SULF2: variants seen among roughly 807,000 people sequenced by gnomAD.
SULF2 encodes extracellular sulfatase Sulf-2.
Under a neutral mutation model 107.7 loss-of-function variants are expected in SULF2, and 52 were observed. The ratio of observed to expected loss-of-function variants is 0.48; its 90% CI spans 0.39 to 0.61. The LOEUF (loss-of-function observed/expected upper bound fraction) is 0.61. Ranked by LOEUF, SULF2 falls within the 20% of genes least tolerant of loss-of-function variation. The probability of loss-of-function intolerance (pLI) is 0.00; values close to 1 mark genes in which losing one functional copy is unlikely to be tolerated. For synonymous variants in SULF2, 460 were observed against 464.3 expected (o/e 0.99, Z 0.12); for missense variants, 993 against 1,177.3 (o/e 0.84, Z 2.29).
intron 20 of SULF2, among the ~76,000 whole-genome samples, chr20:47,658,678 G>C (rs1474247607): frequency 1.3e-5 from 2 of 152,172 alleles, no homozygotes; most frequent in African/African-American, 4.8e-5. Flanking sequence ...CCGAAGAAAG[G>C]CTTAGGTGAC....
intron 2 of SULF2, among the ~76,000 whole-genome samples, chr20:47,756,826 A>G (rs1051328722): frequency 5.3e-5 from 8 of 152,152 alleles, no homozygotes; most frequent in African/African-American, 1.9e-4. Context: ...CTGTAGTTTT[A>G]GTAAAGACGG....
intron 3 of SULF2, among the ~76,000 whole-genome samples, chr20:47,714,330 T>A (rs940949454): frequency 6.6e-6 from 1 of 152,214 alleles, no homozygotes; most frequent in African/African-American, 2.4e-5. Context: ...ACCGGCCTCT[T>A]GATTTTCGCC....
chr20:47,768,408 G>C (rs1029270616), intron 1 of SULF2, among the ~76,000 whole-genome samples: 8 of 152,250 alleles, frequency 5.3e-5, no homozygotes, highest in Non-Finnish European at 1.2e-4. Context: ...AAGATCAGAA[G>C]TGAAATTCCC....
chr20:47,700,432 CTGAG>C (rs1439991414), intron 4 of SULF2, among the ~76,000 whole-genome samples: 1 of 152,160 alleles, frequency 6.6e-6, no homozygotes, highest in Non-Finnish European at 1.5e-5. Context: ...CTACTACATA[CTGAG>C]TATTTACTAC....
chr20:47,658,489 G>C (rs747128961), intron 20 of SULF2, 97 bp from the exon 21 acceptor site: 36 of 1,291,590 alleles, frequency 2.8e-5, no homozygotes, highest in Non-Finnish European at 4.1e-5. Context: ...TTGCTTCAAG[G>C]CTGCTGAGAA....
chr20:47,666,531 G>A lies in SULF2; in HGVS notation c.1577-43C>T. 1.3e-6 allele frequency: 2 copies of A among 1,518,464 alleles called. No homozygotes were observed. Among genetic ancestry groups the A allele is most frequent in the Non-Finnish European group, 1.8e-6 (2 of 1,106,944 alleles). 94.1% of individuals were successfully genotyped at this position (1,518,464 alleles called of 1,614,324 possible). On this transcript the variant is annotated intron_variant, in intron 11 of 20. Transcript: ENST00000688720. This position sits in a 1 kb window ranked among gnomAD's most constrained non-coding sequence, Gnocchi z 5.4. ...GTGGCAGAGTTAGGGAGGCAGGAAA[G>A]GCTGGCCAGGCTCCCAGGGCAGTGG...
chr20:47,728,004 G>A (rs2089490777), intron 3 of SULF2, among the ~76,000 whole-genome samples: 1 of 152,226 alleles, frequency 6.6e-6, no homozygotes, highest in Non-Finnish European at 1.5e-5. Flanking sequence ...GGTCCCAGGA[G>A]GGGCTGTGCA....
At chr20:47,661,647 C>G in intron 18 of SULF2, 126 bp downstream of exon 18, 8 of 1,053,176 alleles carry the variant, frequency 7.6e-6, no homozygotes, top group Non-Finnish European at 1.0e-5. Flanking sequence ...CATGACTCGT[C>G]TGGAACTGTA....
At chr20:47,766,991 A>T (rs905518978) in intron 1 of SULF2, among the ~76,000 whole-genome samples, 1 of 151,896 alleles carries the variant, frequency 6.6e-6, no homozygotes, top group Admixed American at 6.6e-5. Context: ...ATTCTCAGAG[A>T]GCTGACAAAC....
At chr20:47,730,695 T>C (rs2089574161) in intron 3 of SULF2, among the ~76,000 whole-genome samples, 1 of 152,172 alleles carries the variant, frequency 6.6e-6, no homozygotes, top group African/African-American at 2.4e-5. Flanking sequence ...TGATCCACCC[T>C]CCTCGGCTTC....
rs199922784 is a variant in SULF2 at position 47,663,232 on chromosome 20, A to G, written c.2228-20T>C. On this transcript the variant is annotated intron_variant, in intron 16 of 20. Coordinates refer to ENST00000688720, the MANE Select transcript of SULF2 (RefSeq NM_001387048.1). ...GCCCCACTGCCAAGGAAGAGAGAGC[A>G]TGTCCTGAGTGCCTGCGGGAGGAGG... The G allele has an allele frequency of 2.7e-4, 430 of 1,613,616 alleles. 8 individuals are homozygous for G. The South Asian group carries it at 3.3e-3, about 12-fold the overall frequency.
At chr20:47,676,441 G>T (rs1319678337) in intron 10 of SULF2, 53 bp downstream of exon 10, 27 of 1,584,918 alleles carry the variant, frequency 1.7e-5, no homozygotes, top group Non-Finnish European at 2.0e-5. Context: ...CGCAGGTCAG[G>T]GCCGGCTGCA....
intron 3 of SULF2, among the ~76,000 whole-genome samples, chr20:47,721,402 C>T (rs2089294142): frequency 6.6e-6 from 1 of 151,156 alleles, no homozygotes; most frequent in African/African-American, 2.4e-5. Flanking sequence ...CAGAATTTCA[C>T]TCGTTACCCA....
At chr20:47,755,902 G>A (rs922364705) in intron 2 of SULF2, among the ~76,000 whole-genome samples, 2 of 145,586 alleles carry the variant, frequency 1.4e-5, no homozygotes, top group East Asian at 1.9e-4. Context: ...CCTCCACTCC[G>A]GCTCCCTGGC....
At chr20:47,700,721 C>G (rs560217407) in intron 4 of SULF2, among the ~76,000 whole-genome samples, 1 of 150,100 alleles carries the variant, frequency 6.7e-6, no homozygotes, top group South Asian at 2.1e-4. Flanking sequence ...TCTCGGCTCA[C>G]TGCAACCTCT....
intron 18 of SULF2, among the ~76,000 whole-genome samples, chr20:47,660,481 C>T (rs551734937): frequency 3.3e-5 from 5 of 152,194 alleles, no homozygotes; most frequent in African/African-American, 4.8e-5. Context: ...GACATGAACT[C>T]TAGGCATCCT....
At chr20:47,662,641 T>C (rs2087114576) in intron 17 of SULF2, among the ~76,000 whole-genome samples, 1 of 152,170 alleles carries the variant, frequency 6.6e-6, no homozygotes, top group Non-Finnish European at 1.5e-5. Flanking sequence ...GCATGTGTGT[T>C]TAGATGGCTT....
intron 3 of SULF2, among the ~76,000 whole-genome samples, chr20:47,707,461 T>A (rs2088783135): frequency 6.6e-6 from 1 of 151,868 alleles, no homozygotes; most frequent in Non-Finnish European, 1.5e-5. Context: ...CACTGGGAGG[T>A]TGCCTCGAGA....
chr20:47,672,998 C>T (rs966352810), intron 10 of SULF2, among the ~76,000 whole-genome samples: 2 of 152,240 alleles, frequency 1.3e-5, no homozygotes, highest in African/African-American at 2.4e-5. Context: ...CCTTCCCAGA[C>T]TCAATCAGTG....
Sources: allele counts gnomAD v4.1 joint callset (sites outside exome capture counted in the v4.1 genomes callset), GRCh38; gene constraint gnomAD v4.1.1; non-coding constraint Gnocchi (gnomAD v3.1); transcripts MANE v1.5; gene names NCBI Gene and HGNC (gene_info 2026-07-23, HGNC 2026-07-21).